STAT2: variants seen among roughly 807,000 people sequenced by gnomAD.
STAT2 encodes the protein signal transducer and activator of transcription 2, also known as interferon alpha induced transcriptional activator.
Under a neutral mutation model 122.3 loss-of-function variants are expected in STAT2, and 51 were observed. That is an observed-to-expected ratio of 0.42 (90% confidence interval 0.33 to 0.53). STAT2 has a LOEUF of 0.53. Ranked by LOEUF, STAT2 falls within the 20% of genes least tolerant of loss-of-function variation. The pLI is 0.10. For missense variants in STAT2, 736 were observed against 1,010.3 expected, an observed-to-expected ratio of 0.73 and a Z score of 3.68; for synonymous variants, 351 against 394.9, an observed-to-expected ratio of 0.89 and a Z score of 1.32.
chr12:56,351,636 C>A (rs889790072), intron 8 of STAT2, among the ~76,000 whole-genome samples, 186 bp from the exon 9 acceptor site: 1 of 152,088 alleles, frequency 6.6e-6, no homozygotes, highest in Non-Finnish European at 1.5e-5. Flanking sequence ...AAAATCAAAG[C>A]TATTTTCACA....
Position 56,343,852 on chromosome 12 carries a change from T to C in STAT2, c.2386A>G (p.Arg796Gly). The C allele has an allele frequency of 6.2e-7, 1 of 1,614,196 alleles. No individual in the cohort carries two copies. Among genetic ancestry groups the C allele is most frequent in the South Asian group, 1.1e-5 (1 of 91,088 alleles). ...VPEPDLPCDL[R>G]HLNTEPMEIF... ...TCCATTGGCTCAGTGTTCAAATGTCTCAGATCACAGGGCAAATCTGGCTCT... is the reference window on the plus strand; with the variant it reads ...TCCATTGGCTCAGTGTTCAAATGTCCCAGATCACAGGGCAAATCTGGCTCT... The change falls in exon 23 of 24, where the codon AGA (arginine) becomes GGA (glycine). Residue 796 changes from arginine (R) to glycine (G), a missense_variant. By Grantham distance (125) the Arg-to-Gly change is moderately radical (BLOSUM62 -2). Coordinates refer to ENST00000314128, the MANE Select transcript of STAT2 (RefSeq NM_005419.4).
At position 56,347,052 on chromosome 12, in the gene STAT2, T is replaced by C. The variant is rs537066623; in HGVS notation, c.1725-97A>G. 1.8e-5 allele frequency: 27 copies of C among 1,535,628 alleles called. No homozygotes were observed. In the African/African-American group the frequency reaches 3.6e-4, roughly 20 times the overall value. On this transcript the variant is annotated intron_variant, in intron 19 of 23. Transcript: ENST00000314128. ...CCTTGTATGGAGAAACAGCCCAGGT[T>C]TGGAATCCAGGCTTTGGACCAAGCC...
intron 19 of STAT2, 122 bp downstream of exon 19, chr12:56,348,407 G>T: frequency 1.0e-6 from 1 of 959,724 alleles, no homozygotes; most frequent in Middle Eastern, 2.3e-4. Context: ...TAACAAATGT[G>T]AGGAGACGTG....
At chr12:56,350,747 C>T in intron 11 of STAT2, 82 bp downstream of exon 11, 1 of 1,454,856 alleles carries the variant, frequency 6.9e-7, no homozygotes, top group South Asian at 1.1e-5. Context: ...GGAGATAGCC[C>T]TAGGGCCCTG....
Position 56,346,548 on chromosome 12 carries a change from G to C in STAT2, c.1938C>G (p.Arg646=). 6.2e-7 allele frequency: 1 copy of C among 1,614,196 alleles called. No homozygotes were observed. Among genetic ancestry groups the C allele is most frequent in the Non-Finnish European group, 8.5e-7 (1 of 1,180,034 alleles). The change falls in exon 21 of 24, where the codon CGC becomes CGG. Residue 646 remains arginine, a synonymous_variant. Coordinates refer to ENST00000314128, the MANE Select transcript of STAT2 (RefSeq NM_005419.4). The stretch of plus-strand genomic sequence containing the variant: ...TCTCCTCAGTGAGCAACTGGTAATG[G>C]CGGATGATTTCAGTCAGCGGGAGTG... ...LQSLPLTEII[R]HYQLLTEENI... is the part of the protein sequence containing the mutation.
At position 56,353,777 on chromosome 12, in the gene STAT2, T is replaced by C. The variant is rs528088190; in HGVS notation, c.782+689A>G. Among the ~76,000 whole-genome samples, 10 of 151,336 alleles carry C rather than the reference T, an allele frequency of 6.6e-5. No individual in the cohort carries two copies. The East Asian group carries it at 9.8e-4, about 15-fold the overall frequency. ...GGGAGCCCAAGTTGGGTGGATCACC[T>C]GAAGTCAGGAGTTTGAGACCAGCCT... On this transcript the variant is annotated intron_variant, in intron 8 of 23. Coordinates refer to ENST00000314128, the MANE Select transcript of STAT2 (RefSeq NM_005419.4).
At chr12:56,347,059 C>G in intron 19 of STAT2, 104 bp from the exon 20 acceptor site, 1 of 1,521,398 alleles carries the variant, frequency 6.6e-7, no homozygotes, top group South Asian at 1.3e-5. Context: ...GGTTTGGAAT[C>G]CAGGCTTTGG....
Position 56,350,076 on chromosome 12 carries a change from T to C in STAT2, c.1209+21A>G, listed in dbSNP as rs1332986781. On this transcript the variant is annotated intron_variant, in intron 13 of 23. Coordinates refer to ENST00000314128, the MANE Select transcript of STAT2 (RefSeq NM_005419.4). ...AAAAATAAAAATAGTAATAAAAGCATAGGTCACAAACTATTCTTACCAGGT... is the reference window on the plus strand; with the variant it reads ...AAAAATAAAAATAGTAATAAAAGCACAGGTCACAAACTATTCTTACCAGGT... The C allele has an allele frequency of 3.2e-6, 5 of 1,581,622 alleles. No individual in the cohort carries two copies. In the Admixed American group the frequency reaches 8.7e-5, roughly 28 times the overall value.
rs757619953 is a variant in STAT2, at chr12:56,354,502, G to A, written c.746C>T (p.Ala249Val). 1.5e-5 allele frequency: 25 copies of A among 1,614,090 alleles called. No homozygotes were observed. Among genetic ancestry groups the A allele is most frequent in the Non-Finnish European group, 2.0e-5 (24 of 1,180,044 alleles). ...CTGTTCCAACCCGTGGTCAATGGGA[G>A]CTCTGATGCAGGCTTTTTGCTGCTG... Reference protein sequence around the residue: ...KAQQQKACIRAPIDHGLEQLE... With the variant: ...KAQQQKACIRVPIDHGLEQLE... Residue 249 changes from alanine (A) to valine (V), a missense_variant, in exon 8 of 24, where the codon GCT (alanine) becomes GTT (valine). Transcript: ENST00000314128.
rs1876844485 is a variant in STAT2, at chr12:56,343,322, G to T, written c.*67C>A. On this transcript the variant is annotated 3_prime_UTR_variant, in exon 24 of 24. Transcript: ENST00000314128. ...CACATGCCTGATTCCCATCCTTGGA[G>T]AACAATATCATGCTATGAGGAGTAG... 4 of 1,563,666 alleles carry T rather than the reference G, an allele frequency of 2.6e-6. No individual in the cohort carries two copies. Among genetic ancestry groups the T allele is most frequent in the Admixed American group, 1.8e-5 (1 of 55,232 alleles).
At chr12:56,350,763 A>G in intron 11 of STAT2, 66 bp downstream of exon 11, 1 of 1,554,030 alleles carries the variant, frequency 6.4e-7, no homozygotes, top group African/African-American at 1.4e-5. Flanking sequence ...CCCTGTTGTG[A>G]AGAGTGAGTA....
intron 1 of STAT2, 82 bp from the exon 2 acceptor site, chr12:56,356,660 TA>T: frequency 2.0e-6 from 3 of 1,499,302 alleles, no homozygotes; most frequent in Non-Finnish European, 2.7e-6. Flanking sequence ...TCATTATTAC[TA>T]ATTTAAAATG....
Position 56,354,867 on chromosome 12 carries a change from G to C in STAT2, c.548-4C>G. The C allele has an allele frequency of 1.2e-6, 2 of 1,614,032 alleles. 1 individual carries two copies. Among genetic ancestry groups the C allele is most frequent in the South Asian group, 2.2e-5 (2 of 91,072 alleles). On this transcript the variant is annotated splice_region_variant and splice_polypyrimidine_tract_variant and intron_variant, in intron 6 of 23. Coordinates refer to ENST00000314128, the MANE Select transcript of STAT2 (RefSeq NM_005419.4). ...GGGTCCAGAGAGGGTGTCTTCCCTG[G>C]ATGGTGGGAACAGGAGTCAGTCCAG...
chr12:56,346,373 A>C (rs1877459886), intron 21 of STAT2, 69 bp downstream of exon 21: 1 of 1,591,322 alleles, frequency 6.3e-7, no homozygotes, highest in Admixed American at 1.7e-5. Context: ...CTTTAAAGGA[A>C]GGAGTGGGAT....
At position 56,346,638 on chromosome 12, in the gene STAT2, G is replaced by A; in HGVS notation, c.1862-14C>T. 1 of 1,613,532 alleles carries A rather than the reference G, an allele frequency of 6.2e-7. No homozygotes were observed. ...TGAGCACCTTGTCTGGAGAGTGAAT[G>A]CAGGAACAGGCGGGCTTGAGGGAAG... On this transcript the variant is annotated splice_polypyrimidine_tract_variant and intron_variant, in intron 20 of 23. Transcript: ENST00000314128.
chr12:56,359,250 A>G (rs1879999701), intron 1 of STAT2, among the ~76,000 whole-genome samples: 1 of 151,974 alleles, frequency 6.6e-6, no homozygotes, highest in African/African-American at 2.4e-5. Flanking sequence ...ATGTATCTGT[A>G]TTGCTTTTAT....
At position 56,346,766 on chromosome 12, in the gene STAT2, G is replaced by A. The variant is rs11575239; in HGVS notation, c.1861+53C>T. 652 of 1,610,872 alleles carry A rather than the reference G, an allele frequency of 4.0e-4. 2 individuals carry two copies. In the African/African-American group the frequency reaches 7.0e-3, roughly 17 times the overall value. On this transcript the variant is annotated intron_variant, in intron 20 of 23. Coordinates refer to ENST00000314128, the MANE Select transcript of STAT2 (RefSeq NM_005419.4). ...CCAAGGGCAGGCAGAGGGGCAAGAG[G>A]GGAGCCAGGCAGAAAGGAGAGGCTG...
chr12:56,354,639 T>G (rs751840045), intron 7 of STAT2, 25 bp from the exon 8 acceptor site: 1 of 1,613,882 alleles, frequency 6.2e-7, no homozygotes, highest in Non-Finnish European at 8.5e-7. Flanking sequence ...ATGTGAGTGT[T>G]GAGCATCTCT....
rs542245899 is a variant in STAT2 at position 56,350,902 on chromosome 12, G to T, written c.1035-14C>A. The stretch of plus-strand genomic sequence containing the variant: ...CTCACCAGCAGCCTGGGGGAAGGAA[G>T]GGGGATAGGGGAAAGTGGTCAACCT... On this transcript the variant is annotated splice_polypyrimidine_tract_variant and intron_variant, in intron 10 of 23. Transcript: ENST00000314128. 2 of 1,614,108 alleles carry T rather than the reference G, an allele frequency of 1.2e-6. No homozygotes were observed. The highest frequency in any genetic ancestry group is 2.2e-5 in the South Asian group (2 of 91,070).
Sources: allele counts gnomAD v4.1 joint callset (sites outside exome capture counted in the v4.1 genomes callset), GRCh38; gene constraint gnomAD v4.1.1; transcripts MANE v1.5; gene names NCBI Gene and HGNC (gene_info 2026-07-23, HGNC 2026-07-21).